The following SLC2A11 variants were observed in gnomAD, a reference collection of about 807,000 sequenced individuals.
SLC2A11 encodes solute carrier family 2 member 11, also known as solute carrier family 2, facilitated glucose transporter member 11.
SLC2A11 carries 43 observed loss-of-function variants against 52.1 expected under a neutral mutation model. The observed-to-expected ratio is 0.82, with a 90% CI of 0.65 to 1.06. The LOEUF (loss-of-function observed/expected upper bound fraction) is 1.06. SLC2A11 is among the 50% of genes least tolerant of loss of function. The probability of loss-of-function intolerance (pLI) is 0.00; values close to 1 mark genes in which losing one functional copy is unlikely to be tolerated. For missense variants in SLC2A11, 582 were observed against 654.2 expected (o/e 0.89, Z 1.20); for synonymous variants, 261 against 277.6 (o/e 0.94, Z 0.59).
At chr22:23,875,020 AATTAAGGCT>A in intron 3 of SLC2A11, 88 bp from the exon 4 acceptor site, 1 of 1,338,924 alleles carries the variant, frequency 7.5e-7, no homozygotes, top group South Asian at 2.1e-5. Flanking sequence ...GTGTGTGTCT[AATTAAGGCT>A]TGTTACAGTT....
Position 23,883,941 on chromosome 22 carries a change from C to T in SLC2A11, c.1096-8C>T, listed in dbSNP as rs2032914934. 1 of 1,612,556 alleles carries T rather than the reference C, an allele frequency of 6.2e-7. No homozygotes were observed. The highest frequency in any genetic ancestry group is 8.5e-7 in the Non-Finnish European group (1 of 1,179,700). On this transcript the variant is annotated splice_polypyrimidine_tract_variant and splice_region_variant and intron_variant, in intron 9 of 11. Coordinates refer to ENST00000316185, the MANE Select transcript of SLC2A11 (RefSeq NM_001024939.4). Reference sequence around the variant, plus strand: ...ACTTCCACCTCACCCCCGCCCCGTCCACGGCAGAGCTCCTTCCCCTGGACA... The same window carrying T: ...ACTTCCACCTCACCCCCGCCCCGTCTACGGCAGAGCTCCTTCCCCTGGACA...
At chr22:23,868,141 G>C (rs941943519) in intron 2 of SLC2A11, 6 of 351,448 alleles carry the variant, frequency 1.7e-5, no homozygotes, top group Non-Finnish European at 3.2e-5. Context: ...TGTGTCCGGA[G>C]AGTTAGAGAA....
intron 5 of SLC2A11, 68 bp from the exon 6 acceptor site, chr22:23,877,653 G>A: frequency 6.7e-7 from 1 of 1,496,712 alleles, no homozygotes; most frequent in Non-Finnish European, 8.9e-7. Context: ...GTGTAGGTGG[G>A]CAGGAGAGCA....
chr22:23,857,314 G>A, upstream of SLC2A11: 1 of 1,057,728 alleles, frequency 9.5e-7, no homozygotes, highest in Admixed American at 2.1e-5. Flanking sequence ...AATTTCGGGG[G>A]AGGACTTGGG....
chr22:23,873,402 C>G (rs188611767), intron 3 of SLC2A11: 1 of 151,690 alleles, frequency 6.6e-6, no homozygotes, highest in East Asian at 1.9e-4. Context: ...ATTTATTAGA[C>G]GGGTTCAAGC....
At position 23,870,162 on chromosome 22, in the gene SLC2A11, G is replaced by A. The variant is rs189407701; in HGVS notation, c.290+1521G>A. 2.0e-4 allele frequency: 128 copies of A among 626,860 alleles called. 3 individuals are homozygous for A. Among genetic ancestry groups the A allele is most frequent in the South Asian group, 1.8e-3 (93 of 51,634 alleles). 38.8% of individuals were successfully genotyped at this position (626,860 alleles called of 1,614,324 possible). The stretch of plus-strand genomic sequence containing the variant: ...CACCGTGGGGAGTAGGGGAACAGTC[G>A]CAAACAAAAGTGGGGCTCTTCCCAC... On this transcript the variant is annotated intron_variant, in intron 3 of 11. Transcript: ENST00000316185.
Position 23,884,232 on chromosome 22 carries a change from G to A in SLC2A11, c.1172-70G>A. On this transcript the variant is annotated intron_variant, in intron 10 of 11. Transcript: ENST00000316185. This position sits in a 1 kb window ranked among gnomAD's most constrained non-coding sequence, Gnocchi z 4.3. ...GGCCTGGGCTCCCACTCCCATGTCT[G>A]GGCTGGGGTCGGGGAGAGGCAGGCA... 6.4e-7 allele frequency: 1 copy of A among 1,552,550 alleles called. No individual in the cohort carries two copies. Among genetic ancestry groups the A allele is most frequent in the Non-Finnish European group, 8.7e-7 (1 of 1,148,498 alleles).
chr22:23,876,128 G>A (rs2032606433), intron 4 of SLC2A11, among the ~76,000 whole-genome samples: 1 of 152,090 alleles, frequency 6.6e-6, no homozygotes, highest in Non-Finnish European at 1.5e-5. Context: ...AGGGAGACAG[G>A]GAGACAGAGA....
At position 23,877,824 on chromosome 22, in the gene SLC2A11, C is replaced by A; in HGVS notation, c.649C>A (p.Arg217Ser). 1.2e-6 allele frequency: 2 copies of A among 1,613,538 alleles called. No individual in the cohort carries two copies. Among genetic ancestry groups the A allele is most frequent in the Non-Finnish European group, 1.7e-6 (2 of 1,179,772 alleles). The change falls in exon 6 of 12, where the codon CGC becomes AGC. Residue 217 changes from arginine (R) to serine (S), a missense_variant. Coordinates refer to ENST00000316185, the MANE Select transcript of SLC2A11 (RefSeq NM_001024939.4). ...ASLPLLPESP[R>S]YLLIDCGDTE... Reference sequence around the variant, plus strand: ...CCTGCCTCTGCTCCCTGAAAGCCCGCGCTACCTCCTCATTGACTGTGGAGA... The same window carrying A: ...CCTGCCTCTGCTCCCTGAAAGCCCGAGCTACCTCCTCATTGACTGTGGAGA...
chr22:23,857,762 G>T (rs1463129954), upstream of SLC2A11: 5 of 1,383,710 alleles, frequency 3.6e-6, no homozygotes, highest in African/African-American at 5.8e-5. Context: ...ATCGTTTAGC[G>T]TTGCGCGAAC....
intron 4 of SLC2A11, among the ~76,000 whole-genome samples, chr22:23,876,750 A>G (rs952689896): frequency 6.6e-6 from 1 of 152,022 alleles, no homozygotes; most frequent in Non-Finnish European, 1.5e-5. Flanking sequence ...GGTCCCAGTG[A>G]TGGGACCTAG....
At chr22:23,880,755 G>A (rs572542368) in intron 6 of SLC2A11, 3 of 152,220 alleles carry the variant, frequency 2.0e-5, no homozygotes, top group Admixed American at 6.5e-5. Context: ...CAGTGTTTCT[G>A]AAATATGCTA....
chr22:23,881,975 CAG>C (rs1283280417), intron 6 of SLC2A11: 6 of 161,114 alleles, frequency 3.7e-5, no homozygotes, highest in African/African-American at 6.8e-5. Flanking sequence ...CACACACACA[CAG>C]AGACAGAGAG....
intron 1 of SLC2A11, among the ~76,000 whole-genome samples, chr22:23,861,081 G>A (rs1483380049): frequency 2.6e-4 from 40 of 151,752 alleles, no homozygotes; most frequent in Middle Eastern, 3.4e-3. Flanking sequence ...TCCTGACCTC[G>A]TGATCCGCCC....
In SLC2A11 at chr22:23,883,957, C is replaced by T. The variant is rs1234808196; in HGVS notation, c.1104C>T (p.Phe368=). Residue 368 remains phenylalanine, a synonymous_variant, in exon 10 of 12, where the codon TTC becomes TTT. Coordinates refer to ENST00000316185, the MANE Select transcript of SLC2A11 (RefSeq NM_001024939.4). ...CGCCCCGTCCACGGCAGAGCTCCTT[C>T]CCCTGGACACTCTACCTGGCCATGG... is the stretch of plus-strand genomic sequence containing the variant. The part of the protein sequence containing the change: ...FTVALCLQSS[F]PWTLYLAMAC... 3 of 1,613,046 alleles carry T rather than the reference C, an allele frequency of 1.9e-6. No homozygotes were observed. Among genetic ancestry groups the T allele is most frequent in the African/African-American group, 1.3e-5 (1 of 74,872 alleles).
At position 23,858,005 on chromosome 22, in the gene SLC2A11, C is replaced by T. The variant is rs775458544; in HGVS notation, c.6C>T (p.Leu2=). The change falls in exon 1 of 12, where the codon CTC becomes CTT. Residue 2 remains leucine, a synonymous_variant. Transcript: ENST00000316185. ...CGCTCAGGCCCCTCTTTCGAATGCTCCACGCCCTCCTGCGATCTAGAATGG... is the reference window on the plus strand; with the variant it reads ...CGCTCAGGCCCCTCTTTCGAATGCTTCACGCCCTCCTGCGATCTAGAATGG... M[L]HALLRSRMIQ... 1 of 1,586,056 alleles carries T rather than the reference C, an allele frequency of 6.3e-7. No individual in the cohort carries two copies. The highest frequency in any genetic ancestry group is 8.6e-7 in the Non-Finnish European group (1 of 1,166,538).
At chr22:23,864,052 C>G (rs557318317) in intron 2 of SLC2A11, among the ~76,000 whole-genome samples, 7 of 152,062 alleles carry the variant, frequency 4.6e-5, no homozygotes, top group Non-Finnish European at 8.8e-5. Flanking sequence ...CAGGGAAGAG[C>G]CTGAGGGGCT....
chr22:23,857,536 G>A (rs1309270492), upstream of SLC2A11: 2 of 1,611,244 alleles, frequency 1.2e-6, no homozygotes, highest in Admixed American at 1.7e-5. Context: ...ACGCAGGTGA[G>A]CTCCCAGCGG....
In SLC2A11 at chr22:23,884,372, C is replaced by T. The variant is rs143776564; in HGVS notation, c.1242C>T (p.Cys414=). 35 of 1,613,982 alleles carry T rather than the reference C, an allele frequency of 2.2e-5. No homozygotes were observed. In the Admixed American group the frequency reaches 3.2e-4, roughly 15 times the overall value. ...CCAGGCCTGCTGCCTGCATGGTCTG[C>T]GGGGCGCTCATGTGGATCATGCTCA... ...QMARPAACMV[C]GALMWIMLIL... Residue 414 remains cysteine (C), a synonymous_variant, in exon 11 of 12, where the codon TGC becomes TGT. Transcript: ENST00000316185. The surrounding 1 kb of genome is among the most constrained non-coding windows in gnomAD (Gnocchi z 4.3).
Sources: allele counts gnomAD v4.1 joint callset (sites outside exome capture counted in the v4.1 genomes callset), GRCh38; gene constraint gnomAD v4.1.1; non-coding constraint Gnocchi (gnomAD v3.1); transcripts MANE v1.5; gene names NCBI Gene and HGNC (gene_info 2026-07-23, HGNC 2026-07-21).